The following CLINT1 variants were observed in gnomAD, a reference collection of about 807,000 sequenced individuals.
CLINT1 encodes the protein clathrin interacting protein localized in the trans-Golgi region.
A neutral mutation model predicts 70.4 loss-of-function variants in CLINT1; 15 were observed. That is an observed-to-expected ratio of 0.21 (90% CI 0.14 to 0.33). CLINT1 has a LOEUF of 0.33. Among genes scored for constraint, CLINT1 ranks in the 10% least tolerant of loss-of-function variants. The pLI, the probability that CLINT1 is intolerant of heterozygous loss-of-function variation, is 1.00. For synonymous variants in CLINT1, 227 were observed against 254.7 expected, an observed-to-expected ratio of 0.89 and a Z score of 1.04; for missense variants, 615 against 778.1, an observed-to-expected ratio of 0.79 and a Z score of 2.49.
At chr5:157,827,445 C>A (rs1049309779) in intron 1 of CLINT1, among the ~76,000 whole-genome samples, 4 of 152,034 alleles carry the variant, frequency 2.6e-5, no homozygotes, top group East Asian at 3.8e-4. Context: ...AGGGACTGAT[C>A]CAAAACAAAA....
At chr5:157,827,985 G>A (rs1291806888) in intron 1 of CLINT1, among the ~76,000 whole-genome samples, 1 of 152,100 alleles carries the variant, frequency 6.6e-6, no homozygotes, top group East Asian at 1.9e-4. Context: ...CTGATCCCTG[G>A]ACACATCAAC....
rs756609846 is a variant in CLINT1 at position 157,787,910 on chromosome 5, C to T, written c.1614G>A (p.Arg538=). 1.9e-6 allele frequency: 3 copies of T among 1,613,370 alleles called. No individual in the cohort carries two copies. Among genetic ancestry groups the T allele is most frequent in the Non-Finnish European group, 1.7e-6 (2 of 1,179,616 alleles). Residue 538 remains arginine, a synonymous_variant, in exon 12 of 12, where the codon CGG becomes CGA. Coordinates refer to ENST00000411809, the MANE Select transcript of CLINT1 (RefSeq NM_014666.4). ...LSSPSNMLPV[R]PQTNALIGGP... ...CCCCTATCAAAGCATTAGTTTGGGGCCGGACAGGAAGCATGTTCGATGGAG... is the reference window on the plus strand; with the variant it reads ...CCCCTATCAAAGCATTAGTTTGGGGTCGGACAGGAAGCATGTTCGATGGAG...
chr5:157,808,583 A>AT (rs1762455483), intron 6 of CLINT1, among the ~76,000 whole-genome samples: 1 of 152,128 alleles, frequency 6.6e-6, no homozygotes, highest in Non-Finnish European at 1.5e-5. Flanking sequence ...TGCTCTGTAA[A>AT]TTAAGTGCTA....
intron 1 of CLINT1, among the ~76,000 whole-genome samples, chr5:157,824,963 T>C (rs1164903170): frequency 2.0e-5 from 3 of 152,150 alleles, no homozygotes; most frequent in Non-Finnish European, 2.9e-5. Flanking sequence ...GGAAATTACA[T>C]TTTCTTTGGT....
rs967761319 is a variant in CLINT1, at chr5:157,806,527, C to CTAT, written c.696-418_696-416dup. ...CTTGACATGGACTGTGTGCAAATTA[C>CTAT]TATAGTTCCACTTTTACAACACAAT... On this transcript the variant is annotated intron_variant, in intron 6 of 11. Transcript: ENST00000411809. 6.5e-4 allele frequency among the ~76,000 whole-genome samples: 99 copies of CTAT among 152,214 alleles called. 1 individual carries two copies. Among genetic ancestry groups the CTAT allele is most frequent in the African/African-American group, 2.3e-3 (94 of 41,562 alleles).
At chr5:157,836,058 T>C (rs146852369) in intron 1 of CLINT1, among the ~76,000 whole-genome samples, 103 of 152,342 alleles carry the variant, frequency 6.8e-4, no homozygotes, top group African/African-American at 2.3e-3. Flanking sequence ...TTGTACATAC[T>C]GGAACCCTCT....
At chr5:157,830,757 C>CTCTCTCTCT (rs1561662736) in intron 1 of CLINT1, among the ~76,000 whole-genome samples, 2 of 87,406 alleles carry the variant, frequency 2.3e-5, no homozygotes, top group Non-Finnish European at 4.3e-5. Flanking sequence ...CCTCTCTCTC[C>CTCTCTCTCT]CTCTCTCTCT....
At chr5:157,807,435 G>C (rs945146091) in intron 6 of CLINT1, among the ~76,000 whole-genome samples, 12 of 152,008 alleles carry the variant, frequency 7.9e-5, no homozygotes, top group African/African-American at 2.7e-4. Context: ...ATATAAATCT[G>C]ACTAGCACAC....
At chr5:157,847,107 A>G (rs1346942761) in intron 1 of CLINT1, among the ~76,000 whole-genome samples, 1 of 152,220 alleles carries the variant, frequency 6.6e-6, no homozygotes, top group Non-Finnish European at 1.5e-5. Flanking sequence ...TTAAGAAAAT[A>G]CATTCCATAA....
intron 8 of CLINT1, among the ~76,000 whole-genome samples, chr5:157,798,882 G>A (rs2113152461): frequency 6.6e-6 from 1 of 152,142 alleles, no homozygotes; most frequent in East Asian, 1.9e-4. Context: ...GCCACCCAAT[G>A]TAAGATTATA....
chr5:157,793,182 A>T (rs915304356), intron 9 of CLINT1, among the ~76,000 whole-genome samples: 3 of 151,604 alleles, frequency 2.0e-5, no homozygotes, highest in Non-Finnish European at 4.4e-5. Flanking sequence ...TAATTTCTTT[A>T]CCTCAGGGTT....
chr5:157,848,408 A>T (rs10044266), intron 1 of CLINT1, among the ~76,000 whole-genome samples: 3,356 of 144,834 alleles, frequency 0.023, 118 homozygotes, highest in African/African-American at 0.079. Context: ...AAGAATTATT[A>T]TTTTTTTTTT....
At chr5:157,788,968 G>GAAGAAAAA (rs1761813598) in intron 11 of CLINT1, among the ~76,000 whole-genome samples, 1 of 95,578 alleles carries the variant, frequency 1.0e-5, no homozygotes, top group Non-Finnish European at 2.2e-5. Context: ...CTCCATCTCA[G>GAAGAAAAA]AAAAAAAAAA....
intron 10 of CLINT1, 156 bp from the exon 11 acceptor site, chr5:157,789,669 A>G (rs1761842461): frequency 1.1e-6 from 1 of 931,946 alleles, no homozygotes; most frequent in South Asian, 1.6e-5. Flanking sequence ...AAAAAGAACC[A>G]CTAATGTTCT....
intron 11 of CLINT1, 44 bp downstream of exon 11, chr5:157,789,319 G>T: frequency 6.5e-7 from 1 of 1,548,818 alleles, no homozygotes; most frequent in South Asian, 1.1e-5. Context: ...TAAGGCAAAA[G>T]ACTGCAAGTA....
intron 9 of CLINT1, among the ~76,000 whole-genome samples, chr5:157,794,492 G>A (rs982112202): frequency 1.1e-4 from 16 of 152,208 alleles, no homozygotes; most frequent in Admixed American, 3.9e-4. Context: ...AATTAAAAAG[G>A]AATGCATTTT....
Position 157,785,912 on chromosome 5 carries a change from T to C in CLINT1, c.*1734A>G, listed in dbSNP as rs1245412005. The stretch of plus-strand genomic sequence containing the variant: ...CTTGATTGCTCTGAAGTAACAACAC[T>C]TGAAAGCTCCTATTCTTTGAAACTA... On this transcript the variant is annotated 3_prime_UTR_variant, in exon 12 of 12. Transcript: ENST00000411809. 3 of 152,192 alleles carry C rather than the reference T, an allele frequency of 2.0e-5. No homozygotes were observed. The highest frequency in any genetic ancestry group is 6.6e-5 in the Admixed American group (1 of 15,266). The allele number at this position is 152,192 out of a possible 1,614,324, so 9.4% of individuals were successfully genotyped here.
In CLINT1 at chr5:157,791,726, C is replaced by G. The variant is rs755839023; in HGVS notation, c.1357G>C (p.Gly453Arg). 3.1e-6 allele frequency: 5 copies of G among 1,612,972 alleles called. No individual in the cohort carries two copies. The highest frequency in any genetic ancestry group is 1.7e-4 in the Middle Eastern group (1 of 6,050). ...ACCTGTGATCTTGACATAGGCAAAC[C>G]AAGTCCCACAGTGTTAGTGCTCATC... ...SMMSTNTVGL[G>R]LPMSRSQNTD... The change falls in exon 10 of 12, where the codon GGT becomes CGT. Residue 453 changes from glycine to arginine, a missense_variant. Gly to Arg is a moderately radical substitution (Grantham distance 125). Transcript: ENST00000411809.
chr5:157,797,519 G>A (rs1762103143), intron 8 of CLINT1, among the ~76,000 whole-genome samples: 1 of 152,088 alleles, frequency 6.6e-6, no homozygotes, highest in South Asian at 2.1e-4. Context: ...CCAAGTAGCT[G>A]GGATTACAGG....
Sources: gnomAD v4.1 joint callset for allele counts (sites outside exome capture counted in the v4.1 genomes callset) on GRCh38, gnomAD v4.1.1 for gene constraint, MANE v1.5 for transcripts, NCBI Gene and HGNC (gene_info 2026-07-23, HGNC 2026-07-21) for gene names.